ATP2B2: variants seen among roughly 807,000 people sequenced by gnomAD.
ATP2B2 encodes the protein plasma membrane calcium-transporting ATPase 2.
A neutral mutation model predicts 120.0 loss-of-function variants in ATP2B2; 15 were observed. The observed-to-expected ratio is 0.12, with a 90% CI of 0.08 to 0.19. The LOEUF is 0.19. Among genes scored for constraint, ATP2B2 ranks in the 10% least tolerant of loss-of-function variants. The probability of loss-of-function intolerance (pLI) is 1.00; values close to 1 mark genes in which losing one functional copy is unlikely to be tolerated. For synonymous variants in ATP2B2, 694 were observed against 700.3 expected, an observed-to-expected ratio of 0.99 and a Z score of 0.14; for missense variants, 1,045 against 1,719.8, an observed-to-expected ratio of 0.61 and a Z score of 6.94.
chr3:10,638,811 A>G (rs1385860481), intron 1 of ATP2B2, among the ~76,000 whole-genome samples: 1 of 152,370 alleles, frequency 6.6e-6, no homozygotes, highest in East Asian at 1.9e-4. Flanking sequence ...GAGTGGCTAC[A>G]TTTATATCAA....
intron 17 of ATP2B2, 116 bp downstream of exon 17, chr3:10,345,915 C>A (rs531558989): frequency 1.9e-6 from 2 of 1,071,264 alleles, no homozygotes; most frequent in Non-Finnish European, 2.7e-6. Flanking sequence ...TGGGCACCCA[C>A]GGCAGATGGC....
At chr3:10,602,241 C>T (rs1425876383) in intron 2 of ATP2B2, among the ~76,000 whole-genome samples, 1 of 152,226 alleles carries the variant, frequency 6.6e-6, no homozygotes, top group Non-Finnish European at 1.5e-5. Context: ...TCTGGAATCC[C>T]ACCCACTCTT....
In ATP2B2 at chr3:10,567,306, G is replaced by C. The variant is rs76437413; in HGVS notation, c.-414-33173C>G. On this transcript the variant is annotated intron_variant, in intron 2 of 21. Transcript: ENST00000646379. ...CCTGAAACAAAAGTCTCAGCTCTATGACCTCAGGGAATTCTGCAGGCCTCT... is the reference window on the plus strand; with the variant it reads ...CCTGAAACAAAAGTCTCAGCTCTATCACCTCAGGGAATTCTGCAGGCCTCT... Among the ~76,000 whole-genome samples, 898 of 152,362 alleles carry C rather than the reference G, an allele frequency of 5.9e-3. 12 individuals are homozygous for C. Among genetic ancestry groups the C allele is most frequent in the African/African-American group, 0.02 (832 of 41,590 alleles).
chr3:10,405,281 C>A (rs777122311), intron 3 of ATP2B2, among the ~76,000 whole-genome samples: 4 of 152,144 alleles, frequency 2.6e-5, no homozygotes, highest in Non-Finnish European at 4.4e-5. Context: ...CACCCTATTC[C>A]AACTCCCAGC....
intron 1 of ATP2B2, among the ~76,000 whole-genome samples, chr3:10,477,465 T>C (rs995195216): frequency 3.3e-5 from 5 of 152,246 alleles, no homozygotes; most frequent in Non-Finnish European, 4.4e-5. Context: ...TGCATCCTCA[T>C]TGTTGCACAA....
intron 2 of ATP2B2, among the ~76,000 whole-genome samples, chr3:10,575,481 TGAA>T (rs1362755857): frequency 6.6e-6 from 1 of 152,132 alleles, no homozygotes; most frequent in African/African-American, 2.4e-5. Context: ...TTGGGGAAGA[TGAA>T]GAATTTGTGG....
intron 2 of ATP2B2, 139 bp from the exon 3 acceptor site, chr3:10,410,954 T>C: frequency 9.5e-7 from 1 of 1,056,120 alleles, no homozygotes; most frequent in Non-Finnish European, 1.4e-6. Flanking sequence ...CTCTTCATGC[T>C]TTGGGCCCTA....
rs921223103 is a variant in ATP2B2 at position 10,327,480 on chromosome 3, A to G, written c.*1334T>C. 1.3e-5 allele frequency: 2 copies of G among 152,636 alleles called. No homozygotes were observed. Among genetic ancestry groups the G allele is most frequent in the African/African-American group, 2.4e-5 (1 of 41,468 alleles). The allele number at this position is 152,636 out of a possible 1,614,324, so 9.5% of individuals were successfully genotyped here. ...CAGCAAGCCATACTGATCCTCATCCAATATGCCAACAGCTCAGATGCTGCC... is the reference window on the plus strand; with the variant it reads ...CAGCAAGCCATACTGATCCTCATCCGATATGCCAACAGCTCAGATGCTGCC... On this transcript the variant is annotated 3_prime_UTR_variant, in exon 23 of 23. Transcript: ENST00000360273.
intron 13 of ATP2B2, 120 bp downstream of exon 13, chr3:10,359,762 T>C (rs1399383052): frequency 6.8e-6 from 10 of 1,469,254 alleles, no homozygotes; most frequent in Non-Finnish European, 8.4e-6. Flanking sequence ...AGACGGCCAC[T>C]CCAGCCGGGC....
chr3:10,639,043 C>T (rs1200787794), intron 1 of ATP2B2, among the ~76,000 whole-genome samples: 1 of 152,182 alleles, frequency 6.6e-6, no homozygotes, highest in Non-Finnish European at 1.5e-5. Flanking sequence ...ATTGATAGAA[C>T]AAGGGACAGA....
intron 2 of ATP2B2, among the ~76,000 whole-genome samples, chr3:10,418,380 G>A (rs1478435848): frequency 1.3e-5 from 2 of 152,210 alleles, no homozygotes; most frequent in Non-Finnish European, 1.5e-5. Flanking sequence ...ATGAAGGGGC[G>A]AGATGAAGGA....
chr3:10,649,211 A>G lies in ATP2B2; in HGVS notation c.-459-29250T>C, dbSNP rs762904913. Among the ~76,000 whole-genome samples the G allele has an allele frequency of 1.7e-4, 26 of 152,188 alleles. 1 individual carries two copies. The highest frequency in any genetic ancestry group is 3.2e-4 in the Non-Finnish European group (22 of 68,032). ...GGTGTGAGCTACCACATCTGGCATA[A>G]ATTTCAATTAATTAAAGTGAGACAT... On this transcript the variant is annotated intron_variant, in intron 1 of 21. Transcript: ENST00000646379.
chr3:10,637,918 A>G (rs542128291), intron 1 of ATP2B2, among the ~76,000 whole-genome samples: 1 of 152,292 alleles, frequency 6.6e-6, no homozygotes, highest in South Asian at 2.1e-4. Context: ...AAAGCATTGT[A>G]ACAGAAGAAC....
chr3:10,631,023 G>GT, intron 1 of ATP2B2, among the ~76,000 whole-genome samples: 1 of 152,340 alleles, frequency 6.6e-6, no homozygotes, highest in South Asian at 2.1e-4. Context: ...GAAGGGAGTA[G>GT]TTATGAGCAC....
At chr3:10,648,880 G>T (rs1048123128) in intron 1 of ATP2B2, among the ~76,000 whole-genome samples, 1 of 152,192 alleles carries the variant, frequency 6.6e-6, no homozygotes, top group Non-Finnish European at 1.5e-5. Flanking sequence ...CTGGGCCACA[G>T]CAGAAGCTTC....
chr3:10,626,978 C>T (rs1239312119), intron 1 of ATP2B2, among the ~76,000 whole-genome samples: 3 of 151,776 alleles, frequency 2.0e-5, no homozygotes, highest in Non-Finnish European at 2.9e-5. Flanking sequence ...GAGTCCAGGG[C>T]CTGGGCTTCT....
At chr3:10,686,043 C>CT (rs34073958) in intron 1 of ATP2B2, among the ~76,000 whole-genome samples, 29,515 of 93,192 alleles carry the variant, frequency 0.32, 4,713 homozygotes, top group African/African-American at 0.52. Flanking sequence ...TTCCTCCTTT[C>CT]TTTTTTTTTT....
In ATP2B2 at chr3:10,402,686, T is replaced by C. The variant is rs1575128675; in HGVS notation, c.398-338A>G. ...CACCATCTTAGCCCCTTCAGTTTTCTGCCTTGGTTCTAGCTGTGAGATCTT... is the reference window on the plus strand; with the variant it reads ...CACCATCTTAGCCCCTTCAGTTTTCCGCCTTGGTTCTAGCTGTGAGATCTT... On this transcript the variant is annotated intron_variant, in intron 3 of 22. Coordinates refer to ENST00000360273, the MANE Select transcript of ATP2B2 (RefSeq NM_001001331.4). The surrounding 1 kb of genome is among the most constrained non-coding windows in gnomAD (Gnocchi z 4.9). 1.3e-5 allele frequency among the ~76,000 whole-genome samples: 2 copies of C among 152,224 alleles called. No individual in the cohort carries two copies. Among genetic ancestry groups the C allele is most frequent in the East Asian group, 3.9e-4 (2 of 5,194 alleles).
rs1231235785 is a variant in ATP2B2 at position 10,480,906 on chromosome 3, G to A, written c.-320+24559C>T. Among the ~76,000 whole-genome samples, 4 of 152,252 alleles carry A rather than the reference G, an allele frequency of 2.6e-5. No homozygotes were observed. The South Asian group carries it at 6.2e-4, about 24-fold the overall frequency. Reference sequence around the variant, plus strand: ...ATGCAGAGCTAAAGTCCTCAGTGGGGTCTGCAAGGCCAGGGCCAGAGGGCC... The same window carrying A: ...ATGCAGAGCTAAAGTCCTCAGTGGGATCTGCAAGGCCAGGGCCAGAGGGCC... On this transcript the variant is annotated intron_variant, in intron 1 of 22. Transcript: ENST00000360273.
Sources: gnomAD v4.1 joint callset for allele counts (sites outside exome capture counted in the v4.1 genomes callset) on GRCh38, gnomAD v4.1.1 for gene constraint, Gnocchi (gnomAD v3.1) non-coding constraint, MANE v1.5 for transcripts, NCBI Gene and HGNC (gene_info 2026-07-23, HGNC 2026-07-21) for gene names.